Variants in EXOC6B observed in about 807,000 individuals in gnomAD.
EXOC6B encodes the protein exocyst complex component 6B, also known as SEC15 homolog B.
Under a neutral mutation model 113.5 loss-of-function variants are expected in EXOC6B, and 54 were observed. The observed-to-expected ratio is 0.48, with a 90% CI of 0.38 to 0.60. EXOC6B has a LOEUF of 0.60. EXOC6B is among the 20% of genes least tolerant of loss of function. The probability of loss-of-function intolerance (pLI) is 0.00; values close to 1 mark genes in which losing one functional copy is unlikely to be tolerated. For synonymous variants in EXOC6B, 357 were observed against 339.0 expected (o/e 1.05, Z -0.58); for missense variants, 797 against 977.5 (o/e 0.82, Z 2.46).
At chr2:72,727,292 A>G (rs757616639) in intron 5 of EXOC6B, among the ~76,000 whole-genome samples, 2 of 152,180 alleles carry the variant, frequency 1.3e-5, no homozygotes, top group Non-Finnish European at 2.9e-5. Flanking sequence ...ATGAAATGTA[A>G]AAGATCTAAA....
chr2:72,750,271 G>C (rs1681959197), intron 1 of EXOC6B, among the ~76,000 whole-genome samples: 2 of 152,048 alleles, frequency 1.3e-5, no homozygotes, highest in African/African-American at 4.8e-5. Context: ...CATCAGAGTA[G>C]TTTCCATCCT....
intron 6 of EXOC6B, among the ~76,000 whole-genome samples, chr2:72,681,256 T>C (rs1165375476): frequency 6.6e-6 from 1 of 152,194 alleles, no homozygotes; most frequent in Non-Finnish European, 1.5e-5. Context: ...TTGCCTGGAA[T>C]AGAATTTCAC....
intron 20 of EXOC6B, among the ~76,000 whole-genome samples, chr2:72,292,602 T>C (rs1300414166): frequency 6.6e-6 from 1 of 152,078 alleles, no homozygotes; most frequent in Non-Finnish European, 1.5e-5. Flanking sequence ...TGTTGATTCA[T>C]GTAACCATCA....
At chr2:72,815,256 G>A (rs1573842804) in intron 1 of EXOC6B, among the ~76,000 whole-genome samples, 2 of 152,068 alleles carry the variant, frequency 1.3e-5, no homozygotes, top group South Asian at 2.1e-4. Context: ...TTTGGGTGGC[G>A]AGGCAAGCGG....
intron 18 of EXOC6B, chr2:72,463,331 C>T (rs1697825576): frequency 6.6e-6 from 1 of 151,900 alleles, no homozygotes; most frequent in Non-Finnish European, 1.5e-5. Context: ...CCACTAGGAA[C>T]AACTAGGAGA....
At chr2:72,375,303 A>G (rs956033736) in intron 19 of EXOC6B, among the ~76,000 whole-genome samples, 1 of 152,196 alleles carries the variant, frequency 6.6e-6, no homozygotes, top group African/African-American at 2.4e-5. Flanking sequence ...AACACTGTCA[A>G]TCAACTTTAC....
intron 6 of EXOC6B, among the ~76,000 whole-genome samples, chr2:72,705,203 T>C (rs886215025): frequency 6.6e-6 from 1 of 152,068 alleles, no homozygotes; most frequent in Admixed American, 6.6e-5. Flanking sequence ...TAATCCAGCA[T>C]ATAAACAGAG....
At chr2:72,238,477 C>T (rs1265016026) in intron 20 of EXOC6B, among the ~76,000 whole-genome samples, 2 of 152,152 alleles carry the variant, frequency 1.3e-5, no homozygotes, top group Non-Finnish European at 2.9e-5. Context: ...GAGGAACTGC[C>T]AGACTGTTTT....
intron 17 of EXOC6B, among the ~76,000 whole-genome samples, chr2:72,471,846 T>G (rs1484099004): frequency 1.3e-5 from 2 of 152,176 alleles, no homozygotes; most frequent in Non-Finnish European, 2.9e-5. Flanking sequence ...CAGGATGGTG[T>G]TAGTTGTGGG....
intron 20 of EXOC6B, among the ~76,000 whole-genome samples, chr2:72,260,990 A>G (rs2104582233): frequency 6.6e-6 from 1 of 152,276 alleles, no homozygotes; most frequent in Non-Finnish European, 1.5e-5. Flanking sequence ...TCTGTTCTTC[A>G]GAGACATGGA....
intron 8 of EXOC6B, among the ~76,000 whole-genome samples, chr2:72,528,596 G>T (rs1701847111): frequency 6.6e-6 from 1 of 151,882 alleles, no homozygotes. Context: ...AACTTTATAG[G>T]AATTTCATTA....
At position 72,605,415 on chromosome 2, in the gene EXOC6B, A is replaced by C. The variant is rs540630570; in HGVS notation, c.670-29747T>G. ...GGAGGGCTTCACAACCCCAAGTCCC[A>C]GCTAATAATCTCTTCCCAGTCTCAT... On this transcript the variant is annotated intron_variant, in intron 6 of 21. Coordinates refer to ENST00000272427, the MANE Select transcript of EXOC6B (RefSeq NM_015189.3). Among the ~76,000 whole-genome samples the C allele has an allele frequency of 2.0e-5, 3 of 152,250 alleles. No homozygotes were observed. The East Asian group carries it at 5.8e-4, about 29-fold the overall frequency.
intron 6 of EXOC6B, among the ~76,000 whole-genome samples, chr2:72,677,838 A>T (rs114576559): frequency 0.016 from 2,450 of 152,290 alleles, 84 homozygotes; most frequent in African/African-American, 0.057. Flanking sequence ...AACGACATAC[A>T]ACTCAGAAAA....
At chr2:72,327,445 A>G (rs979036228) in intron 20 of EXOC6B, among the ~76,000 whole-genome samples, 1 of 152,088 alleles carries the variant, frequency 6.6e-6, no homozygotes, top group African/African-American at 2.4e-5. Context: ...AAACAATTCC[A>G]TGGGGACTTT....
intron 20 of EXOC6B, among the ~76,000 whole-genome samples, chr2:72,214,072 A>G (rs1680351608): frequency 6.6e-6 from 1 of 152,160 alleles, no homozygotes; most frequent in Non-Finnish European, 1.5e-5. Flanking sequence ...CATAAAGCCC[A>G]TTCCTGCTGT....
At chr2:72,544,722 C>A (rs943956559) in intron 8 of EXOC6B, among the ~76,000 whole-genome samples, 1 of 152,112 alleles carries the variant, frequency 6.6e-6, no homozygotes, top group East Asian at 1.9e-4. Flanking sequence ...GTGTTTCCTA[C>A]AAATACAGCT....
In EXOC6B at chr2:72,478,240, T is replaced by G. The variant is rs1000749718; in HGVS notation, c.1800+2376A>C. Among the ~76,000 whole-genome samples the G allele has an allele frequency of 3.3e-5, 5 of 152,168 alleles. No homozygotes were observed. The East Asian group carries it at 5.8e-4, about 18-fold the overall frequency. ...TAATAAACACTTTCATTCTCTTTTG[T>G]AAGAGAGTGAGGAAAATCTTATGAA... On this transcript the variant is annotated intron_variant, in intron 17 of 21. Transcript: ENST00000272427.
chr2:72,541,460 C>T (rs1277603799), intron 8 of EXOC6B, among the ~76,000 whole-genome samples: 3 of 151,954 alleles, frequency 2.0e-5, no homozygotes, highest in East Asian at 3.9e-4. Flanking sequence ...AGACTATAGT[C>T]TCTTGGTAAT....
Position 72,492,409 on chromosome 2 carries a change from A to G in EXOC6B, c.1574T>C (p.Met525Thr). The G allele has an allele frequency of 1.2e-6, 2 of 1,612,488 alleles. No individual in the cohort carries two copies. Among genetic ancestry groups the G allele is most frequent in the Non-Finnish European group, 1.7e-6 (2 of 1,178,720 alleles). ...LHLSSTEVDD[M>T]IRKSTNLLLT... ...CAACAGGTTTGTTGATTTCCGAATCATGTCATCAACTTCAGTTGAGCTGAA... is the reference window on the plus strand; with the variant it reads ...CAACAGGTTTGTTGATTTCCGAATCGTGTCATCAACTTCAGTTGAGCTGAA... Residue 525 changes from methionine to threonine, a missense_variant, in exon 16 of 22, where the codon ATG (methionine) becomes ACG (threonine). Physicochemically the swap from Met to Thr is moderately conservative, Grantham distance 81 (BLOSUM62 -1). Transcript: ENST00000272427.
Sources: allele counts gnomAD v4.1 joint callset (sites outside exome capture counted in the v4.1 genomes callset), GRCh38; gene constraint gnomAD v4.1.1; transcripts MANE v1.5; gene names NCBI Gene and HGNC (gene_info 2026-07-23, HGNC 2026-07-21).